The following RNF185 variants were observed in gnomAD, a reference collection of about 807,000 sequenced individuals.
RNF185 encodes the protein ring finger protein 185.
In RNF185, 13 loss-of-function variants were observed where a neutral mutation model predicts 24.9. The observed-to-expected ratio is 0.52, with a 90% CI of 0.34 to 0.83. The LOEUF (loss-of-function observed/expected upper bound fraction) is 0.83. Among genes scored for constraint, RNF185 ranks in the 40% least tolerant of loss-of-function variants. RNF185 has a pLI of 0.01. For missense variants in RNF185, 184 were observed against 244.7 expected (o/e 0.75, Z 1.65); for synonymous variants, 79 against 90.3 (o/e 0.88, Z 0.71).
intron 1 of RNF185, among the ~76,000 whole-genome samples, chr22:31,184,671 C>A (rs900145921): frequency 6.6e-6 from 1 of 152,178 alleles, no homozygotes; most frequent in African/African-American, 2.4e-5. Context: ...CCTGGCACCT[C>A]GGGAGGCCGA....
intron 6 of RNF185, among the ~76,000 whole-genome samples, chr22:31,201,956 C>T (rs150964566): frequency 5.8e-4 from 88 of 152,242 alleles, no homozygotes; most frequent in African/African-American, 2.0e-3. Context: ...AAATGGAAAA[C>T]TGTAAGTGAT....
chr22:31,197,050 C>G, intron 5 of RNF185, 60 bp downstream of exon 5: 1 of 1,603,044 alleles, frequency 6.2e-7, no homozygotes, highest in South Asian at 1.1e-5. Flanking sequence ...AAGTTTCCTT[C>G]TTAGCCTTAC....
chr22:31,181,331 G>A (rs1039977646), intron 1 of RNF185, among the ~76,000 whole-genome samples: 7 of 150,918 alleles, frequency 4.6e-5, no homozygotes, highest in Non-Finnish European at 8.8e-5. Context: ...GCAACAGAGC[G>A]AGACCATCTC....
rs139904227 is a variant in RNF185, at chr22:31,160,732, G to C, written c.-49+429G>C. On this transcript the variant is annotated intron_variant, in intron 1 of 6. Transcript: ENST00000326132. Reference sequence around the variant, plus strand: ...CCACCGACAGACAATTGTGCGTTCTGGGCCAAATCTCTTCCCTGTGCTGGG... The same window carrying C: ...CCACCGACAGACAATTGTGCGTTCTCGGCCAAATCTCTTCCCTGTGCTGGG... 4.3e-4 allele frequency among the ~76,000 whole-genome samples: 65 copies of C among 152,264 alleles called. No individual in the cohort carries two copies. The Middle Eastern group carries it at 0.01, about 24-fold the overall frequency.
In RNF185 at chr22:31,177,676, G is replaced by T. The variant is rs551314779; in HGVS notation, c.-48-9371G>T. 9.9e-5 allele frequency among the ~76,000 whole-genome samples: 15 copies of T among 152,282 alleles called. No homozygotes were observed. In the East Asian group the frequency reaches 2.7e-3, roughly 27 times the overall value. On this transcript the variant is annotated intron_variant, in intron 1 of 6. Transcript: ENST00000326132. ...CCAGGGTTCCTGGCAGAAAGCTTCTGTGTGAATAAGCATGTGCTCACAGAA... is the reference window on the plus strand; with the variant it reads ...CCAGGGTTCCTGGCAGAAAGCTTCTTTGTGAATAAGCATGTGCTCACAGAA...
At position 31,187,111 on chromosome 22, in the gene RNF185, C is replaced by T. The variant is rs1568967841; in HGVS notation, c.17C>T (p.Pro6Leu). The change falls in exon 2 of 7, where the codon CCC (proline) becomes CTC (leucine). Residue 6 changes from proline (P) to leucine (L), a missense_variant. Pro to Leu is a moderately conservative substitution (Grantham distance 98). Transcript: ENST00000326132. MASKG[P>L]SASASPENSS... The stretch of plus-strand genomic sequence containing the variant: ...CAGCCAAGGATGGCAAGCAAGGGGC[C>T]CTCGGCCTCTGCATCTCCTGAGAAC... 1 of 1,608,116 alleles carries T rather than the reference C, an allele frequency of 6.2e-7. No individual in the cohort carries two copies. The highest frequency in any genetic ancestry group is 8.5e-7 in the Non-Finnish European group (1 of 1,177,656).
At chr22:31,163,543 G>T (rs951012174) in intron 1 of RNF185, among the ~76,000 whole-genome samples, 7 of 151,932 alleles carry the variant, frequency 4.6e-5, no homozygotes, top group African/African-American at 4.8e-5. Flanking sequence ...GCCCAGGCTG[G>T]TCTCAAATCT....
chr22:31,187,270 G>A lies in RNF185; in HGVS notation c.176G>A (p.Cys59Tyr). 1 of 1,613,838 alleles carries A rather than the reference G, an allele frequency of 6.2e-7. No individual in the cohort carries two copies. Among genetic ancestry groups the A allele is most frequent in the Non-Finnish European group, 8.5e-7 (1 of 1,179,824 alleles). The change falls in exon 2 of 7, where the codon TGT becomes TAT. Residue 59 changes from cysteine (C) to tyrosine (Y), a missense_variant and splice_region_variant. Coordinates refer to ENST00000326132, the MANE Select transcript of RNF185 (RefSeq NM_152267.4). ...AVISLCGHLF[C>Y]WPCLHQWLET... ...ATCAGCCTGTGTGGCCACCTCTTCTGGTCAGTACCCCTACTTCCACCCCAG... is the reference window on the plus strand; with the variant it reads ...ATCAGCCTGTGTGGCCACCTCTTCTAGTCAGTACCCCTACTTCCACCCCAG...
intron 1 of RNF185, among the ~76,000 whole-genome samples, chr22:31,163,448 C>T (rs1477920797): frequency 6.6e-6 from 1 of 151,858 alleles, no homozygotes. Context: ...CCACCTCAGC[C>T]ACCCGAGTAG....
chr22:31,169,972 T>TG (rs1372742442), intron 1 of RNF185, among the ~76,000 whole-genome samples: 2 of 152,194 alleles, frequency 1.3e-5, no homozygotes, highest in Non-Finnish European at 2.9e-5. Flanking sequence ...CCTAAGGACA[T>TG]GCAAAGATTA....
At chr22:31,201,753 G>C (rs1487900153) in intron 6 of RNF185, 138 bp downstream of exon 6, 1 of 665,518 alleles carries the variant, frequency 1.5e-6, no homozygotes, top group East Asian at 2.6e-5. Flanking sequence ...ATCTTAAGCT[G>C]TTTTTAGATC....
At chr22:31,186,347 A>T (rs1023019594) in intron 1 of RNF185, among the ~76,000 whole-genome samples, 1 of 152,164 alleles carries the variant, frequency 6.6e-6, no homozygotes, top group Non-Finnish European at 1.5e-5. Flanking sequence ...CACACCTGTA[A>T]TCCTAGCACT....
rs766161946 is a variant in RNF185 at position 31,187,178 on chromosome 22, C to T, written c.84C>T (p.Gly28=). The change falls in exon 2 of 7, where the codon GGC becomes GGT. Residue 28 remains glycine (G), a synonymous_variant. Transcript: ENST00000326132. The stretch of plus-strand genomic sequence containing the variant: ...CCAGTGGGAGCAGCAATGGCGCTGG[C>T]GAGAGCGGAGGGCAGGACAGCACTT... ...GGPSGSSNGA[G]ESGGQDSTFE... 8.7e-6 allele frequency: 14 copies of T among 1,613,730 alleles called. No homozygotes were observed. The highest frequency in any genetic ancestry group is 3.3e-5 in the Admixed American group (2 of 59,952).
chr22:31,160,805 G>C (rs1256379331), intron 1 of RNF185, among the ~76,000 whole-genome samples: 1 of 152,162 alleles, frequency 6.6e-6, no homozygotes, highest in Non-Finnish European at 1.5e-5. Flanking sequence ...TCAAAATATG[G>C]TTCTTACACC....
In RNF185 at chr22:31,193,507, AT is replaced by A. The variant is rs530237195; in HGVS notation, c.195+809del. 1.6e-4 allele frequency among the ~76,000 whole-genome samples: 24 copies of A among 152,258 alleles called. No homozygotes were observed. The East Asian group carries it at 4.3e-3, about 27-fold the overall frequency. ...GTTTATAGAATGTCTATAAAAACAC[AT>A]TTTGGCCGGGTGTGGTGGCTCACAC... On this transcript the variant is annotated intron_variant, in intron 3 of 6. Transcript: ENST00000326132.
intron 1 of RNF185, among the ~76,000 whole-genome samples, chr22:31,184,508 T>C (rs4820041): frequency 0.57 from 85,655 of 150,658 alleles, 24,485 homozygotes; most frequent in Middle Eastern, 0.64. Context: ...ACTTCCTAGA[T>C]GGGGTGGCGG....
chr22:31,187,146 G>A lies in RNF185; in HGVS notation c.52G>A (p.Gly18Arg). 1 of 1,613,098 alleles carries A rather than the reference G, an allele frequency of 6.2e-7. No individual in the cohort carries two copies. ...ASASPENSSA[G>R]GPSGSSNGAG... ...TGCATCTCCTGAGAACTCCAGTGCA[G>A]GGGGGCCCAGTGGGAGCAGCAATGG... Residue 18 changes from glycine (G) to arginine (R), a missense_variant, in exon 2 of 7, where the codon GGG (glycine) becomes AGG (arginine). Coordinates refer to ENST00000326132, the MANE Select transcript of RNF185 (RefSeq NM_152267.4).
intron 1 of RNF185, among the ~76,000 whole-genome samples, chr22:31,178,007 C>T (rs2047999616): frequency 6.6e-6 from 1 of 152,158 alleles, no homozygotes; most frequent in African/African-American, 2.4e-5. Flanking sequence ...AGACCAAAGG[C>T]CAGCTCTGGG....
intron 5 of RNF185, among the ~76,000 whole-genome samples, chr22:31,200,249 C>T (rs2048247591): frequency 6.6e-6 from 1 of 151,988 alleles, no homozygotes; most frequent in Non-Finnish European, 1.5e-5. Context: ...CCCAGCTACT[C>T]AAGAGGCTGA....
Sources: allele counts gnomAD v4.1 joint callset (sites outside exome capture counted in the v4.1 genomes callset), GRCh38; gene constraint gnomAD v4.1.1; transcripts MANE v1.5; gene names NCBI Gene and HGNC (gene_info 2026-07-23, HGNC 2026-07-21).